Variants in ASB3 observed in about 807,000 individuals in gnomAD.
The protein encoded by ASB3 is ankyrin repeat and SOCS box containing 3.
A neutral mutation model predicts 54.5 loss-of-function variants in ASB3; 41 were observed. The ratio of observed to expected loss-of-function variants is 0.75; its 90% CI spans 0.59 to 0.98. The LOEUF (loss-of-function observed/expected upper bound fraction) is 0.98, where lower values mean the gene tolerates loss of function less well. Ranked by LOEUF, ASB3 falls within the 50% of genes least tolerant of loss-of-function variation. The pLI, the probability that ASB3 is intolerant of heterozygous loss-of-function variation, is 0.00. For synonymous variants in ASB3, 266 were observed against 221.2 expected (o/e 1.20, Z -1.80); for missense variants, 733 against 620.0 (o/e 1.18, Z -1.94).
intron 9 of ASB3, among the ~76,000 whole-genome samples, chr2:53,672,277 TTACAG>T (rs932505292): frequency 4.6e-5 from 7 of 152,214 alleles, no homozygotes; most frequent in Non-Finnish European, 1.0e-4. Context: ...AATAATAAGA[TTACAG>T]TATCTATAGT....
intron 9 of ASB3, among the ~76,000 whole-genome samples, chr2:53,674,183 T>C (rs1667963477): frequency 6.6e-6 from 1 of 152,188 alleles, no homozygotes; most frequent in African/African-American, 2.4e-5. Flanking sequence ...CTATTAAAAC[T>C]ATATTTTAGT....
chr2:53,768,614 G>A (rs1206292989), intron 1 of ASB3, among the ~76,000 whole-genome samples: 1 of 152,140 alleles, frequency 6.6e-6, no homozygotes, highest in African/African-American at 2.4e-5. Flanking sequence ...CAGTACTAGT[G>A]AAGTTAAATG....
intron 9 of ASB3, among the ~76,000 whole-genome samples, chr2:53,687,342 C>T (rs752482838): frequency 1.4e-4 from 22 of 152,124 alleles, no homozygotes; most frequent in Non-Finnish European, 2.5e-4. Flanking sequence ...AACCAAGGCA[C>T]GAATCTGCTA....
intron 7 of ASB3, among the ~76,000 whole-genome samples, chr2:53,703,190 A>C (rs1669584901): frequency 6.6e-6 from 1 of 152,210 alleles, no homozygotes; most frequent in South Asian, 2.1e-4. Flanking sequence ...CATTTGGAGG[A>C]ATCTTTTTCT....
At position 53,685,300 on chromosome 2, in the gene ASB3, A is replaced by G. The variant is rs1187582021; in HGVS notation, c.1369+8584T>C. Among the ~76,000 whole-genome samples the G allele has an allele frequency of 2.0e-5, 3 of 152,338 alleles. No individual in the cohort carries two copies. In the East Asian group the frequency reaches 5.8e-4, roughly 29 times the overall value. On this transcript the variant is annotated intron_variant, in intron 9 of 9. Coordinates refer to ENST00000263634, the MANE Select transcript of ASB3 (RefSeq NM_016115.5). ...GCAGTAGAAGAAGAGATGGAATAAG[A>G]AGAATGGATTTGGAGGATAATTACA...
intron 3 of ASB3, among the ~76,000 whole-genome samples, chr2:53,738,125 C>T (rs1229328281): frequency 1.3e-5 from 2 of 152,100 alleles, no homozygotes; most frequent in Non-Finnish European, 2.9e-5. Context: ...AGGAACTAAG[C>T]CTGATAGTGT....
rs1487372566 is a variant in ASB3 at position 53,699,884 on chromosome 2, G to A, written c.1238+387C>T. ...AGGGTGACAAGTTTCAAATACACAG[G>A]ATGCTGTACGGCAGGACTATTCAGT... On this transcript the variant is annotated intron_variant, in intron 8 of 9. Transcript: ENST00000263634. Among the ~76,000 whole-genome samples, 3 of 152,272 alleles carry A rather than the reference G, an allele frequency of 2.0e-5. No individual in the cohort carries two copies. The South Asian group carries it at 6.2e-4, about 32-fold the overall frequency.
At chr2:53,694,446 T>C (rs149610169) in intron 8 of ASB3, 129 of 154,248 alleles carry the variant, frequency 8.4e-4, no homozygotes, top group Middle Eastern at 3.4e-3. Flanking sequence ...TGTACAAGTG[T>C]ACAAGTATGG....
In ASB3 at chr2:53,716,723, C is replaced by A; in HGVS notation, c.625G>T (p.Ala209Ser). 6.2e-7 allele frequency: 1 copy of A among 1,613,248 alleles called. No individual in the cohort carries two copies. Among genetic ancestry groups the A allele is most frequent in the South Asian group, 1.1e-5 (1 of 91,008 alleles). ...AACAAGGGTGTAGCTTTGTCCAAGG[C>A]TTGACAATTGACATTTGCACCTAAG... is the stretch of plus-strand genomic sequence containing the variant. ...ISSGANVNCQ[A>S]LDKATPLFIA... is the part of the protein sequence containing the mutation. Residue 209 changes from alanine to serine, a missense_variant, in exon 6 of 10, where the codon GCC becomes TCC. Ala to Ser is a moderately conservative substitution (Grantham distance 99). Coordinates refer to ENST00000263634, the MANE Select transcript of ASB3 (RefSeq NM_016115.5).
chr2:53,763,272 C>T (rs1673247977), intron 2 of ASB3, among the ~76,000 whole-genome samples: 2 of 152,050 alleles, frequency 1.3e-5, no homozygotes, highest in Admixed American at 6.6e-5. Context: ...GGCAGGAGAA[C>T]CGCTTGAATC....
intron 9 of ASB3, among the ~76,000 whole-genome samples, chr2:53,674,055 G>C (rs997113923): frequency 3.3e-5 from 5 of 152,142 alleles, no homozygotes; most frequent in Non-Finnish European, 5.9e-5. Context: ...GAAAGTTTTA[G>C]TGATGCATAG....
chr2:53,707,682 C>T (rs1027166899), intron 7 of ASB3, among the ~76,000 whole-genome samples: 8 of 149,588 alleles, frequency 5.3e-5, no homozygotes, highest in East Asian at 2.0e-4. Flanking sequence ...CAGAGTATGC[C>T]GGGCACAGTG....
chr2:53,715,625 T>A (rs755794301), intron 6 of ASB3, among the ~76,000 whole-genome samples: 12 of 152,278 alleles, frequency 7.9e-5, no homozygotes, highest in Non-Finnish European at 1.8e-4. Flanking sequence ...AATTTTTAAA[T>A]CTAAGTATTT....
intron 9 of ASB3, among the ~76,000 whole-genome samples, chr2:53,683,334 G>A (rs896270442): frequency 6.6e-6 from 1 of 151,080 alleles, no homozygotes; most frequent in African/African-American, 2.5e-5. Flanking sequence ...CATGACGAAT[G>A]ATCTTTTAAA....
At chr2:53,735,688 T>C (rs1426767607) in intron 3 of ASB3, among the ~76,000 whole-genome samples, 1 of 148,334 alleles carries the variant, frequency 6.7e-6, no homozygotes, top group Non-Finnish European at 1.5e-5. Flanking sequence ...AAGGGCCAAA[T>C]AAAGCCAAAA....
At chr2:53,696,830 G>T (rs996906520) in intron 8 of ASB3, among the ~76,000 whole-genome samples, 3 of 152,116 alleles carry the variant, frequency 2.0e-5, no homozygotes, top group Non-Finnish European at 4.4e-5. Flanking sequence ...AAAGTATATG[G>T]GAGGAAGTGC....
At chr2:53,694,782 T>C (rs1253178563) in intron 8 of ASB3, among the ~76,000 whole-genome samples, 1 of 152,182 alleles carries the variant, frequency 6.6e-6, no homozygotes, top group Non-Finnish European at 1.5e-5. Context: ...TCCTGCTTTT[T>C]AAAATGAGAA....
intron 8 of ASB3, 140 bp from the exon 9 acceptor site, chr2:53,694,154 G>A (rs1049340583): frequency 3.4e-6 from 3 of 894,014 alleles, no homozygotes; most frequent in South Asian, 3.8e-5. Context: ...AAGTATTTAT[G>A]TAACTAGAGG....
intron 2 of ASB3, among the ~76,000 whole-genome samples, chr2:53,756,555 G>A (rs1672837277): frequency 6.6e-6 from 1 of 152,136 alleles, no homozygotes; most frequent in Non-Finnish European, 1.5e-5. Context: ...ATTTGAATCA[G>A]CAGACTGAAT....
Sources: gnomAD v4.1 joint callset for allele counts (sites outside exome capture counted in the v4.1 genomes callset) on GRCh38, gnomAD v4.1.1 for gene constraint, MANE v1.5 for transcripts, NCBI Gene and HGNC (gene_info 2026-07-23, HGNC 2026-07-21) for gene names.